The following HGS variants were observed in gnomAD, a reference collection of about 807,000 sequenced individuals.
HGS encodes the protein hepatocyte growth factor-regulated tyrosine kinase substrate.
HGS carries 63 observed loss-of-function variants against 109.7 expected under a neutral mutation model. The ratio of observed to expected loss-of-function variants is 0.57; its 90% CI spans 0.47 to 0.71. HGS has a LOEUF of 0.71. Ranked by LOEUF, HGS falls within the 30% of genes least tolerant of loss-of-function variation. HGS has a pLI of 0.00. For synonymous variants in HGS, 546 were observed against 437.3 expected, an observed-to-expected ratio of 1.25 and a Z score of -3.10; for missense variants, 995 against 1,068.3, an observed-to-expected ratio of 0.93 and a Z score of 0.96.
chr17:81,699,262 C>T (rs1568219355), intron 18 of HGS, among the ~76,000 whole-genome samples: 1 of 152,192 alleles, frequency 6.6e-6, no homozygotes, highest in Non-Finnish European at 1.5e-5. Flanking sequence ...GTCTGTAGTT[C>T]TTGTCATTTG....
chr17:81,687,368 C>G (rs780229085), intron 4 of HGS, among the ~76,000 whole-genome samples: 1 of 152,136 alleles, frequency 6.6e-6, no homozygotes, highest in South Asian at 2.1e-4. Context: ...CTGGGGGAAG[C>G]TTCCGGGAGG....
Position 81,700,543 on chromosome 17 carries a change from A to ACCCACCGCCAGC in HGS, c.1963_1974dup (p.Thr655_Pro658dup). ...AGGCGGCCCCCCAGGCCCAGGCCGGACCCACCGCCAGCCCCGCTTACTCAT... is the reference window on the plus strand; with the variant it reads ...AGGCGGCCCCCCAGGCCCAGGCCGGACCCACCGCCAGCCCCACCGCCAGCCCCGCTTACTCAT... On this transcript the variant is annotated inframe_insertion, in exon 19 of 22. Coordinates refer to ENST00000329138, the MANE Select transcript of HGS (RefSeq NM_004712.5). 6.2e-7 allele frequency: 1 copy of ACCCACCGCCAGC among 1,610,472 alleles called. No individual in the cohort carries two copies. The highest frequency in any genetic ancestry group is 8.5e-7 in the Non-Finnish European group (1 of 1,178,472).
intron 3 of HGS, among the ~76,000 whole-genome samples, chr17:81,686,779 C>T (rs1225009932): frequency 1.3e-5 from 2 of 151,914 alleles, no homozygotes; most frequent in African/African-American, 4.8e-5. Flanking sequence ...GGTTCCCCAC[C>T]GGCCACTGAC....
intron 5 of HGS, among the ~76,000 whole-genome samples, 182 bp downstream of exon 5, chr17:81,689,009 C>A (rs538709221): frequency 6.6e-6 from 1 of 152,220 alleles, no homozygotes; most frequent in African/African-American, 2.4e-5. Context: ...CCGGCTCCTG[C>A]CTTTCTGGAC....
rs563835309 is a variant in HGS at position 81,696,128 on chromosome 17, G to A, written c.1393+129G>A. 7.3e-5 allele frequency: 70 copies of A among 958,726 alleles called. 1 individual carries two copies. The South Asian group carries it at 1.1e-3, about 15-fold the overall frequency. 59.4% of individuals were successfully genotyped at this position (958,726 alleles called of 1,614,324 possible). On this transcript the variant is annotated intron_variant, in intron 15 of 21. Coordinates refer to ENST00000329138, the MANE Select transcript of HGS (RefSeq NM_004712.5). ...TTCATTGGGGCCGTGGCTTCCTCCA[G>A]AGAGTGTCAACAGGAGGTGGTCTCA... is the stretch of plus-strand genomic sequence containing the variant.
In HGS at chr17:81,700,802, T is replaced by C; in HGVS notation, c.2124T>C (p.Pro708=). ...GSQSVSMGYQ[P]YNMQNLMTTL... ...AGTCAGTCTCCATGGGCTACCAGCCTTACAACATGCAGGTACAGTGACCTC... is the reference window on the plus strand; with the variant it reads ...AGTCAGTCTCCATGGGCTACCAGCCCTACAACATGCAGGTACAGTGACCTC... The change falls in exon 20 of 22, where the codon CCT becomes CCC. Residue 708 remains proline, a synonymous_variant. Transcript: ENST00000329138. The C allele has an allele frequency of 6.2e-7, 1 of 1,612,090 alleles. No individual in the cohort carries two copies.
rs1230866867 is a variant in HGS at position 81,691,368 on chromosome 17, G to A, written c.538-79G>A. ...ACCTGTGAGGCCCAGCTTCGGCATC[G>A]TACGGGGTGGTTCTGGGCCGGGTGG... is the stretch of plus-strand genomic sequence containing the variant. On this transcript the variant is annotated intron_variant, in intron 7 of 21. Coordinates refer to ENST00000329138, the MANE Select transcript of HGS (RefSeq NM_004712.5). The surrounding 1 kb of genome is among the most constrained non-coding windows in gnomAD (Gnocchi z 5.3). 10 of 1,582,246 alleles carry A rather than the reference G, an allele frequency of 6.3e-6. No individual in the cohort carries two copies. Among genetic ancestry groups the A allele is most frequent in the Middle Eastern group, 1.7e-4 (1 of 5,976 alleles).
chr17:81,691,983 A>G lies in HGS; in HGVS notation c.662+412A>G. On this transcript the variant is annotated intron_variant, in intron 8 of 21. Coordinates refer to ENST00000329138, the MANE Select transcript of HGS (RefSeq NM_004712.5). The surrounding 1 kb of genome is among the most constrained non-coding windows in gnomAD (Gnocchi z 5.3). ...CTCGGCGGTCGGTGTTTTGTCGCAG[A>G]GTTTACTCTGCCTCCCCTCTCCTGC... 1 of 195,370 alleles carries G rather than the reference A, an allele frequency of 5.1e-6. No homozygotes were observed. Among genetic ancestry groups the G allele is most frequent in the Non-Finnish European group, 1.1e-5 (1 of 93,244 alleles). The allele number at this position is 195,370 out of a possible 1,614,324, so 12.1% of individuals were successfully genotyped here. A position where few individuals can be genotyped will look rare whatever the true frequency, so the allele number is the denominator to read the frequency against.
rs557815932 is a variant in HGS, at chr17:81,684,220, C to T, written c.37+117C>T. 216 of 956,186 alleles carry T rather than the reference C, an allele frequency of 2.3e-4. No individual in the cohort carries two copies. In the African/African-American group the frequency reaches 3.2e-3, roughly 14 times the overall value. The allele number at this position is 956,186 out of a possible 1,614,324, so 59.2% of individuals were successfully genotyped here. A position where few individuals can be genotyped will look rare whatever the true frequency, so the allele number is the denominator to read the frequency against. On this transcript the variant is annotated intron_variant, in intron 1 of 21. Transcript: ENST00000329138. ...CGGACCGGCCGCCCTGCCCGCCTCT[C>T]CCCGGCCCGCTGTCCTCCCGGGTTC...
rs1349442331 is a variant in HGS at position 81,700,597 on chromosome 17, C to T, written c.2013C>T (p.Tyr671=). 1 of 1,604,076 alleles carries T rather than the reference C, an allele frequency of 6.2e-7. No individual in the cohort carries two copies. Among genetic ancestry groups the T allele is most frequent in the Non-Finnish European group, 8.5e-7 (1 of 1,174,352 alleles). The part of the protein sequence containing the change: ...SSYQPTPTAG[Y]QNVASQAPQS... ...ACCAGCCTACTCCCACAGCGGGCTA[C>T]CAGGTACACAGGAAGGCCGCTCCTC... The change falls in exon 19 of 22, where the codon TAC becomes TAT. Residue 671 remains tyrosine (Y), a synonymous_variant. Coordinates refer to ENST00000329138, the MANE Select transcript of HGS (RefSeq NM_004712.5).
intron 5 of HGS, 61 bp downstream of exon 5, chr17:81,688,888 A>G: frequency 6.2e-7 from 1 of 1,606,664 alleles, no homozygotes; most frequent in South Asian, 1.1e-5. Context: ...AGTCAGGCTC[A>G]ACGGGCACAG....
chr17:81,688,578 G>A (rs1323145218), intron 4 of HGS, 126 bp from the exon 5 acceptor site: 2 of 1,214,650 alleles, frequency 1.6e-6, no homozygotes, highest in Non-Finnish European at 2.3e-6. Flanking sequence ...CACTCGGGGG[G>A]CCCTCCCTGG....
In HGS at chr17:81,691,748, C is replaced by T. The variant is rs1182101158; in HGVS notation, c.662+177C>T. The T allele has an allele frequency of 7.1e-6, 5 of 707,218 alleles. No individual in the cohort carries two copies. In the African/African-American group the frequency reaches 8.9e-5, roughly 13 times the overall value. The allele number at this position is 707,218 out of a possible 1,614,324, so 43.8% of individuals were successfully genotyped here. ...GCATGCCCTCGGACCCTGCCCCACA[C>T]TAGGGCAGGTGGGTGTGAGAGACAG... On this transcript the variant is annotated intron_variant, in intron 8 of 21. Coordinates refer to ENST00000329138, the MANE Select transcript of HGS (RefSeq NM_004712.5). The surrounding 1 kb of genome is among the most constrained non-coding windows in gnomAD (Gnocchi z 5.3).
chr17:81,688,106 C>G (rs895537621), intron 4 of HGS, among the ~76,000 whole-genome samples: 1 of 152,154 alleles, frequency 6.6e-6, no homozygotes, highest in Non-Finnish European at 1.5e-5. Context: ...GCAAGTGCCC[C>G]GGAGCCTGCT....
chr17:81,700,367 CAAA>C (rs367982845), intron 18 of HGS, 97 bp from the exon 19 acceptor site: 5,568 of 946,372 alleles, frequency 5.9e-3, no homozygotes, highest in South Asian at 0.012. Flanking sequence ...GACTCCATCT[CAAA>C]AAAAAAAAAA....
At position 81,694,904 on chromosome 17, in the gene HGS, G is replaced by C. The variant is rs780413613; in HGVS notation, c.976-20G>C. 6.2e-7 allele frequency: 1 copy of C among 1,614,194 alleles called. No individual in the cohort carries two copies. The highest frequency in any genetic ancestry group is 1.3e-5 in the African/African-American group (1 of 75,064). ...TCTCACGGTTTCTGGCCTTGGGAGT[G>C]ACCCCCTCATTGCCTGCAGCTCGCA... is the stretch of plus-strand genomic sequence containing the variant. On this transcript the variant is annotated intron_variant, in intron 12 of 21. Transcript: ENST00000329138.
Position 81,693,688 on chromosome 17 carries a change from A to G in HGS, c.776A>G (p.Glu259Gly). ...AAGAGGGACGAGACGGCCCTGCAGGAGGAGGAGGAGCTGCAGCTGGCCCTG... is the reference window on the plus strand; with the variant it reads ...AAGAGGGACGAGACGGCCCTGCAGGGGGAGGAGGAGCTGCAGCTGGCCCTG... ...PPKRDETALQ[E>G]EEELQLALAL... Residue 259 changes from glutamate to glycine, a missense_variant, in exon 10 of 22, where the codon GAG becomes GGG. Glu to Gly is a moderately conservative substitution (Grantham distance 98, BLOSUM62 -2). Transcript: ENST00000329138. 6.4e-7 allele frequency: 1 copy of G among 1,555,278 alleles called. No homozygotes were observed. Among genetic ancestry groups the G allele is most frequent in the South Asian group, 1.2e-5 (1 of 85,300 alleles).
In HGS at chr17:81,695,217, T is replaced by C. The variant is rs551494559; in HGVS notation, c.1173T>C (p.Phe391=). The C allele has an allele frequency of 6.8e-6, 11 of 1,614,128 alleles. No individual in the cohort carries two copies. The Admixed American group carries it at 1.0e-4, about 15-fold the overall frequency. The change falls in exon 14 of 22, where the codon TTT becomes TTC. Residue 391 remains phenylalanine (F), a synonymous_variant. Transcript: ENST00000329138. Reference sequence around the variant, plus strand: ...CCATTCCTCCCTCTGGTGGCCCCTTTAGTGAGGTAAGCTGTGGCTCCCTCC... The same window carrying C: ...CCATTCCTCCCTCTGGTGGCCCCTTCAGTGAGGTAAGCTGTGGCTCCCTCC... ...SQPIPPSGGP[F]SEPQFHNGES...
rs1414986491 is a variant in HGS, at chr17:81,691,375, G to T, written c.538-72G>T. The T allele has an allele frequency of 3.1e-6, 5 of 1,597,240 alleles. No individual in the cohort carries two copies. The highest frequency in any genetic ancestry group is 2.2e-5 in the East Asian group (1 of 44,672). ...AGGCCCAGCTTCGGCATCGTACGGG[G>T]TGGTTCTGGGCCGGGTGGCGCATCA... On this transcript the variant is annotated intron_variant, in intron 7 of 21. Transcript: ENST00000329138. The surrounding 1 kb of genome is among the most constrained non-coding windows in gnomAD (Gnocchi z 5.3).
Sources: gnomAD v4.1 joint callset for allele counts (sites outside exome capture counted in the v4.1 genomes callset) on GRCh38, gnomAD v4.1.1 for gene constraint, Gnocchi (gnomAD v3.1) non-coding constraint, MANE v1.5 for transcripts, NCBI Gene and HGNC (gene_info 2026-07-23, HGNC 2026-07-21) for gene names.